Variants in SLC35D1 observed in about 807,000 individuals in gnomAD.
The protein encoded by SLC35D1 is nucleotide sugar transporter SLC35D1.
Under a neutral mutation model 46.7 loss-of-function variants are expected in SLC35D1, and 31 were observed. The observed-to-expected ratio is 0.66, with a 90% CI of 0.50 to 0.90. The LOEUF is 0.90. Ranked by LOEUF, SLC35D1 falls within the 40% of genes least tolerant of loss-of-function variation. The pLI is 0.00. For missense variants in SLC35D1, 397 were observed against 426.2 expected (o/e 0.93, Z 0.60); for synonymous variants, 195 against 164.6 (o/e 1.18, Z -1.41).
intron 7 of SLC35D1, among the ~76,000 whole-genome samples, chr1:67,042,627 G>C (rs1364018859): frequency 6.6e-6 from 1 of 152,042 alleles, no homozygotes; most frequent in African/African-American, 2.4e-5. Context: ...GTAGAAAAGA[G>C]GTTATTTTGA....
intron 8 of SLC35D1, among the ~76,000 whole-genome samples, chr1:67,038,330 A>C (rs1353523007): frequency 6.6e-6 from 1 of 152,236 alleles, no homozygotes; most frequent in Admixed American, 6.5e-5. Context: ...AGACACTTCC[A>C]GGCAGACAAT....
At chr1:66,985,704 G>C in the SLC35D1 span, 1 of 984,712 alleles carries the variant, frequency 1.0e-6, no homozygotes, top group Non-Finnish European at 1.2e-6. Flanking sequence ...GAGTCTGTCA[G>C]CTTTCATTTT....
At position 67,052,964 on chromosome 1, in the gene SLC35D1, G is replaced by A. The variant is rs772001692; in HGVS notation, c.229C>T (p.Leu77Phe). Residue 77 changes from leucine to phenylalanine, a missense_variant, in exon 2 of 12, where the codon CTT (leucine) becomes TTT (phenylalanine). Leu to Phe is a conservative substitution (Grantham distance 22, BLOSUM62 0). Transcript: ENST00000235345. Reference protein sequence around the residue: ...YRFPSSLCVGLGQMVATVAVL... With the variant: ...YRFPSSLCVGFGQMVATVAVL... ...TGAGGATTCCAACTAACCTGGCCAA[G>A]TCCAACACATAGTGAGGAGGGAAAT... The A allele has an allele frequency of 6.2e-7, 1 of 1,614,026 alleles. No individual in the cohort carries two copies. Among genetic ancestry groups the A allele is most frequent in the East Asian group, 2.2e-5 (1 of 44,884 alleles).
At chr1:67,047,093 T>C (rs781200224) in intron 7 of SLC35D1, among the ~76,000 whole-genome samples, 172 bp downstream of exon 7, 4 of 152,178 alleles carry the variant, frequency 2.6e-5, no homozygotes, top group Non-Finnish European at 2.9e-5. Flanking sequence ...TGCTAATTAA[T>C]TAAAAAATAA....
In SLC35D1 at chr1:67,031,810, C is replaced by T. The variant is rs192440140; in HGVS notation, c.730-10208G>A. On this transcript the variant is annotated intron_variant, in intron 8 of 11. Transcript: ENST00000235345. The stretch of plus-strand genomic sequence containing the variant: ...TCACTTTAAATGTAGACAGAATTTA[C>T]ATACAGAAGAAATTATTCGCTTAAA... 1.4e-3 allele frequency among the ~76,000 whole-genome samples: 211 copies of T among 152,292 alleles called. 1 individual carries two copies. The highest frequency in any genetic ancestry group is 1.2e-3 in the Non-Finnish European group (79 of 68,022).
chr1:67,033,511 T>C (rs1428751152), intron 8 of SLC35D1, among the ~76,000 whole-genome samples: 1 of 152,214 alleles, frequency 6.6e-6, no homozygotes, highest in Non-Finnish European at 1.5e-5. Flanking sequence ...TATGACTGTT[T>C]GCCATCTGTA....
chr1:67,042,291 A>G lies in SLC35D1; in HGVS notation c.674T>C (p.Leu225Pro). The G allele has an allele frequency of 6.2e-7, 1 of 1,614,182 alleles. No individual in the cohort carries two copies. The highest frequency in any genetic ancestry group is 8.5e-7 in the Non-Finnish European group (1 of 1,180,016). ...GKYGLLYYNALFMILPTLAIA... is the reference protein window; with the variant it reads ...GKYGLLYYNAPFMILPTLAIA... ...GGCCAGGGTGGGCAGAATCATGAACAGTGCATTGTAATAGAGCAGTCCATA... is the reference window on the plus strand; with the variant it reads ...GGCCAGGGTGGGCAGAATCATGAACGGTGCATTGTAATAGAGCAGTCCATA... The change falls in exon 8 of 12, where the codon CTG (leucine) becomes CCG (proline). Residue 225 changes from leucine to proline, a missense_variant. Physicochemically the swap from Leu to Pro is moderately conservative, Grantham distance 98. Transcript: ENST00000235345.
At chr1:66,985,813 AAT>A in the SLC35D1 span, 222 of 738,740 alleles carry the variant, frequency 3.0e-4, no homozygotes, top group African/African-American at 4.1e-3. Context: ...AGGATTATAA[AAT>A]TTTTTTTTTT....
Position 67,015,292 on chromosome 1 carries a change from G to C in SLC35D1, c.876+5077C>G, listed in dbSNP as rs150307566. Among the ~76,000 whole-genome samples the C allele has an allele frequency of 2.7e-3, 406 of 150,934 alleles. 1 individual carries two copies. The highest frequency in any genetic ancestry group is 9.5e-3 in the African/African-American group (389 of 41,112). On this transcript the variant is annotated intron_variant, in intron 10 of 11. Coordinates refer to ENST00000235345, the MANE Select transcript of SLC35D1 (RefSeq NM_015139.3). ...CTATTTAAAAACGTATAAAAATCTT[G>C]TGGTCAAACTAATTAAAATTAAATA... is the stretch of plus-strand genomic sequence containing the variant.
rs910617417 is a variant in SLC35D1 at position 67,001,236 on chromosome 1, C to A, written c.*3104G>T. The A allele has an allele frequency of 3.3e-5, 5 of 152,284 alleles. No individual in the cohort carries two copies. The highest frequency in any genetic ancestry group is 5.9e-5 in the Non-Finnish European group (4 of 68,038). 9.4% of individuals were successfully genotyped at this position (152,284 alleles called of 1,614,324 possible). A position where few individuals can be genotyped will look rare whatever the true frequency, so the allele number is the denominator to read the frequency against. On this transcript the variant is annotated 3_prime_UTR_variant, in exon 12 of 12. Transcript: ENST00000235345. ...AACTCCACTGTTTCTCCGTGAGGAT[C>A]CTGCACCAGCTGTACTGACCAAAAC...
At chr1:66,983,316 T>C in the SLC35D1 span, among the ~76,000 whole-genome samples, 5 of 152,242 alleles carry the variant, frequency 3.3e-5, no homozygotes, top group African/African-American at 1.2e-4. Context: ...CTTCAATATA[T>C]TATGATGCAT....
chr1:66,974,478 A>G, the SLC35D1 span, among the ~76,000 whole-genome samples: 2 of 151,976 alleles, frequency 1.3e-5, no homozygotes, highest in African/African-American at 4.8e-5. Context: ...CTTGAATTAA[A>G]ACACTCTTAA....
At chr1:66,993,301 G>A in the SLC35D1 span, among the ~76,000 whole-genome samples, 3 of 152,174 alleles carry the variant, frequency 2.0e-5, no homozygotes, top group African/African-American at 2.4e-5. Flanking sequence ...ACTATTACCA[G>A]GGCAAAGTTT....
intron 10 of SLC35D1, among the ~76,000 whole-genome samples, chr1:67,014,534 A>G (rs6671340): frequency 0.068 from 10,393 of 152,122 alleles, 1,143 homozygotes; most frequent in African/African-American, 0.24. Flanking sequence ...CATAATATCA[A>G]ATTAACTTAT....
At chr1:66,986,335 A>G in the SLC35D1 span, 34 of 1,562,776 alleles carry the variant, frequency 2.2e-5, no homozygotes, top group Non-Finnish European at 2.8e-5. Flanking sequence ...GTAGTTTTAT[A>G]TAGCTGATAG....
intron 8 of SLC35D1, among the ~76,000 whole-genome samples, chr1:67,029,396 T>C (rs1382396551): frequency 6.6e-6 from 1 of 152,220 alleles, no homozygotes; most frequent in Non-Finnish European, 1.5e-5. Flanking sequence ...ATGCATACAA[T>C]CTCATGCTAC....
Position 67,052,979 on chromosome 1 carries a change from A to G in SLC35D1, c.214T>C (p.Ser72Pro). 1 of 1,614,014 alleles carries G rather than the reference A, an allele frequency of 6.2e-7. No individual in the cohort carries two copies. The highest frequency in any genetic ancestry group is 1.3e-5 in the African/African-American group (1 of 75,052). ...SVLTNYRFPS[S>P]LCVGLGQMVA... is the part of the protein sequence containing the mutation. ...ACCTGGCCAAGTCCAACACATAGTG[A>G]GGAGGGAAATCTACAAAAAGGGCAA... Residue 72 changes from serine (S) to proline (P), a missense_variant, in exon 2 of 12, where the codon TCA becomes CCA. Physicochemically the swap from Ser to Pro is moderately conservative, Grantham distance 74 (BLOSUM62 -1). Transcript: ENST00000235345.
At chr1:66,987,716 G>A in the SLC35D1 span, 1 of 143,756 alleles carries the variant, frequency 7.0e-6, no homozygotes. Context: ...AATTCACTAA[G>A]ATTTTATTAG....
chr1:67,036,068 T>G (rs1382644152), intron 8 of SLC35D1, among the ~76,000 whole-genome samples: 1 of 152,188 alleles, frequency 6.6e-6, no homozygotes, highest in East Asian at 1.9e-4. Context: ...TTCAATTTTT[T>G]GAATGTTTTA....
Sources: allele counts gnomAD v4.1 joint callset (sites outside exome capture counted in the v4.1 genomes callset), GRCh38; gene constraint gnomAD v4.1.1; transcripts MANE v1.5; gene names NCBI Gene and HGNC (gene_info 2026-07-23, HGNC 2026-07-21).